The following CTNNA2 variants were observed in gnomAD, a reference collection of about 807,000 sequenced individuals.
CTNNA2 encodes catenin alpha-2.
Under a neutral mutation model 101.0 loss-of-function variants are expected in CTNNA2, and 42 were observed. The ratio of observed to expected loss-of-function variants is 0.42; its 90% CI spans 0.32 to 0.54. The LOEUF (loss-of-function observed/expected upper bound fraction) is 0.54, where lower values mean the gene tolerates loss of function less well. CTNNA2 is among the 20% of genes least tolerant of loss of function. The probability of loss-of-function intolerance (pLI) is 0.14; values close to 1 mark genes in which losing one functional copy is unlikely to be tolerated. For synonymous variants in CTNNA2, 450 were observed against 456.4 expected (o/e 0.99, Z 0.18); for missense variants, 871 against 1,223.1 (o/e 0.71, Z 4.29).
intron 15 of CTNNA2, among the ~76,000 whole-genome samples, chr2:80,595,031 T>C (rs749123282): frequency 6.6e-6 from 1 of 152,142 alleles, no homozygotes; most frequent in African/African-American, 2.4e-5. Flanking sequence ...TTTTTAAATT[T>C]TGGCCAAAAT....
At chr2:79,210,601 C>T (rs557405673) in intron 2 of CTNNA2, among the ~76,000 whole-genome samples, 1 of 152,188 alleles carries the variant, frequency 6.6e-6, no homozygotes, top group South Asian at 2.1e-4. Context: ...GTGTTGCATG[C>T]ATGGGAGGAG....
At chr2:80,093,146 C>A (rs1227516019) in intron 7 of CTNNA2, among the ~76,000 whole-genome samples, 1 of 151,898 alleles carries the variant, frequency 6.6e-6, no homozygotes, top group African/African-American at 2.4e-5. Flanking sequence ...CTAGTGCTAT[C>A]CCCCCTGCTC....
At chr2:80,615,108 A>G (rs1295005638) in intron 17 of CTNNA2, among the ~76,000 whole-genome samples, 2 of 151,512 alleles carry the variant, frequency 1.3e-5, no homozygotes, top group African/African-American at 4.8e-5. Flanking sequence ...TATTGAAATC[A>G]TATGCTAAAG....
In CTNNA2 at chr2:80,303,273, C is replaced by T; in HGVS notation, c.1057-89938C>T. 1 of 1,613,606 alleles carries T rather than the reference C, an allele frequency of 6.2e-7. No individual in the cohort carries two copies. The highest frequency in any genetic ancestry group is 8.5e-7 in the Non-Finnish European group (1 of 1,180,020). On this transcript the variant is annotated intron_variant, in intron 7 of 18. Transcript: ENST00000402739. The surrounding 1 kb of genome is among the most constrained non-coding windows in gnomAD (Gnocchi z 7.7). ...TCGAGAAACTTGAGGCTGCGGCAGT[C>T]CTGGAAGATGCGCACGGGCACAAAC...
intron 7 of CTNNA2, among the ~76,000 whole-genome samples, chr2:79,912,495 G>T (rs75791006): frequency 0.015 from 2,323 of 152,318 alleles, 172 homozygotes; most frequent in Admixed American, 0.12. Flanking sequence ...ACAGAATTGT[G>T]CAGTTAAAAG....
intron 9 of CTNNA2, among the ~76,000 whole-genome samples, chr2:80,429,476 G>A (rs1681290632): frequency 6.6e-6 from 1 of 152,070 alleles, no homozygotes; most frequent in Admixed American, 6.6e-5. Context: ...ACTGCCCCCA[G>A]GCTCTTATTC....
chr2:80,543,083 C>T (rs1233253330), intron 9 of CTNNA2, among the ~76,000 whole-genome samples: 1 of 152,090 alleles, frequency 6.6e-6, no homozygotes, highest in Non-Finnish European at 1.5e-5. Flanking sequence ...TTACTGTCTA[C>T]AATAAGTTAC....
chr2:80,275,756 G>A (rs988500519), intron 7 of CTNNA2, among the ~76,000 whole-genome samples: 4 of 151,914 alleles, frequency 2.6e-5, no homozygotes, highest in Non-Finnish European at 5.9e-5. Flanking sequence ...ACTTCCAAAC[G>A]GAAAAATAAT....
intron 7 of CTNNA2, among the ~76,000 whole-genome samples, chr2:80,290,496 T>C (rs1318279473): frequency 6.6e-6 from 1 of 152,044 alleles, no homozygotes; most frequent in Admixed American, 6.6e-5. Flanking sequence ...GCTTTTACTT[T>C]TTGCTGTTTT....
chr2:79,302,553 C>G (rs929758338), intron 2 of CTNNA2, among the ~76,000 whole-genome samples: 8 of 152,144 alleles, frequency 5.3e-5, no homozygotes, highest in South Asian at 4.1e-4. Context: ...TAGCTGTCTT[C>G]TTAATGAAGA....
intron 7 of CTNNA2, among the ~76,000 whole-genome samples, chr2:79,970,238 G>T (rs1032402522): frequency 6.6e-6 from 1 of 152,118 alleles, no homozygotes; most frequent in Non-Finnish European, 1.5e-5. Context: ...AAGAGGAAAG[G>T]CTCCCCCAAA....
chr2:79,305,002 A>C (rs1033729005), intron 2 of CTNNA2, among the ~76,000 whole-genome samples: 1 of 152,182 alleles, frequency 6.6e-6, no homozygotes, highest in East Asian at 1.9e-4. Flanking sequence ...TGAGTGTGAC[A>C]AACCAAGATG....
chr2:79,945,606 T>C (rs915204535), intron 7 of CTNNA2, among the ~76,000 whole-genome samples: 1 of 152,216 alleles, frequency 6.6e-6, no homozygotes, highest in Admixed American at 6.5e-5. Flanking sequence ...AACTGTCTAT[T>C]TGAAATCAGC....
chr2:79,560,039 C>T (rs1364938889), intron 1 of CTNNA2, among the ~76,000 whole-genome samples: 3 of 151,218 alleles, frequency 2.0e-5, no homozygotes, highest in South Asian at 2.1e-4. Flanking sequence ...CTCACTTCTC[C>T]AAGAAAGTCT....
chr2:79,203,794 A>G (rs1674067700), intron 2 of CTNNA2, among the ~76,000 whole-genome samples: 1 of 152,262 alleles, frequency 6.6e-6, no homozygotes, highest in South Asian at 2.1e-4. Context: ...GTATCTGAGC[A>G]TCAAAGGATA....
At position 80,388,237 on chromosome 2, in the gene CTNNA2, A is replaced by G. The variant is rs137964712; in HGVS notation, c.1057-4974A>G. On this transcript the variant is annotated intron_variant, in intron 7 of 18. Transcript: ENST00000402739. Reference sequence around the variant, plus strand: ...TCAGATACTAATGAGCCAGGTGATCATAATCAGTCACTTCATCTCTCTAGA... The same window carrying G: ...TCAGATACTAATGAGCCAGGTGATCGTAATCAGTCACTTCATCTCTCTAGA... Among the ~76,000 whole-genome samples the G allele has an allele frequency of 2.4e-3, 361 of 152,310 alleles. 2 individuals are homozygous for G. Among genetic ancestry groups the G allele is most frequent in the African/African-American group, 8.1e-3 (338 of 41,570 alleles).
chr2:79,239,282 A>G (rs546734898), intron 2 of CTNNA2, among the ~76,000 whole-genome samples: 25 of 152,314 alleles, frequency 1.6e-4, no homozygotes, highest in African/African-American at 5.8e-4. Context: ...GACCAATGGA[A>G]CAGAACAGAG....
At chr2:79,316,359 G>T (rs1226917500) in intron 3 of CTNNA2, among the ~76,000 whole-genome samples, 1 of 152,004 alleles carries the variant, frequency 6.6e-6, no homozygotes, top group Non-Finnish European at 1.5e-5. Flanking sequence ...TTTGAAACTG[G>T]AAGGAGTGAG....
chr2:80,602,870 T>G (rs1352200597), intron 15 of CTNNA2, among the ~76,000 whole-genome samples: 1 of 152,100 alleles, frequency 6.6e-6, no homozygotes, highest in African/African-American at 2.4e-5. Context: ...AGAAACCCAG[T>G]ATATTTTACT....
Sources: allele counts gnomAD v4.1 joint callset (sites outside exome capture counted in the v4.1 genomes callset), GRCh38; gene constraint gnomAD v4.1.1; non-coding constraint Gnocchi (gnomAD v3.1); transcripts MANE v1.5; gene names NCBI Gene and HGNC (gene_info 2026-07-23, HGNC 2026-07-21).